MACROD2: variants seen among roughly 807,000 people sequenced by gnomAD.
MACROD2 encodes ADP-ribose glycohydrolase MACROD2.
Under a neutral mutation model 70.4 loss-of-function variants are expected in MACROD2, and 36 were observed. The ratio of observed to expected loss-of-function variants is 0.51; its 90% CI spans 0.39 to 0.68. MACROD2 has a LOEUF of 0.68. Among genes scored for constraint, MACROD2 ranks in the 30% least tolerant of loss-of-function variants. MACROD2 has a pLI of 0.00. For synonymous variants in MACROD2, 172 were observed against 178.8 expected (o/e 0.96, Z 0.30); for missense variants, 496 against 538.4 (o/e 0.92, Z 0.78).
intron 3 of MACROD2, among the ~76,000 whole-genome samples, chr20:14,403,811 C>T (rs1211279834): frequency 6.6e-6 from 1 of 152,008 alleles, no homozygotes; most frequent in Non-Finnish European, 1.5e-5. Flanking sequence ...AACCAGATCT[C>T]AAAAATTCCT....
intron 4 of MACROD2, among the ~76,000 whole-genome samples, chr20:14,649,962 T>G (rs1416490283): frequency 6.6e-6 from 1 of 152,182 alleles, no homozygotes; most frequent in African/African-American, 2.4e-5. Flanking sequence ...GTTTTTGCAG[T>G]AAGTCTGAAG....
chr20:15,430,821 G>A (rs1050742563), intron 6 of MACROD2, among the ~76,000 whole-genome samples: 83 of 151,754 alleles, frequency 5.5e-4, no homozygotes, highest in African/African-American at 1.6e-3. Context: ...ATAGTTTTTT[G>A]ATTTTCACAG....
At chr20:14,345,875 A>G (rs1170998359) in intron 3 of MACROD2, among the ~76,000 whole-genome samples, 2 of 152,102 alleles carry the variant, frequency 1.3e-5, no homozygotes, top group Non-Finnish European at 2.9e-5. Context: ...CGAGGTCAAG[A>G]GATCGAGACC....
chr20:14,332,500 T>G (rs2082863631), intron 3 of MACROD2, among the ~76,000 whole-genome samples: 1 of 152,154 alleles, frequency 6.6e-6, no homozygotes, highest in African/African-American at 2.4e-5. Context: ...ATAATAGTAG[T>G]GCTAACTTCT....
At chr20:15,544,841 G>C (rs150574606) in intron 8 of MACROD2, among the ~76,000 whole-genome samples, 2 of 152,162 alleles carry the variant, frequency 1.3e-5, no homozygotes, top group Non-Finnish European at 2.9e-5. Flanking sequence ...TTTACCCTCT[G>C]ACTTCTAGCC....
chr20:15,338,984 A>T lies in MACROD2; in HGVS notation c.541-92421A>T, dbSNP rs533929448. ...CATTTGGCAGCCACTGAAGCTTGTT[A>T]ATATCAACAACTGGCTTCATTGGCT... On this transcript the variant is annotated intron_variant, in intron 6 of 17. Transcript: ENST00000684519. 5.3e-5 allele frequency among the ~76,000 whole-genome samples: 8 copies of T among 152,002 alleles called. No individual in the cohort carries two copies. The East Asian group carries it at 1.5e-3, about 29-fold the overall frequency.
At chr20:15,105,415 T>C (rs1016167852) in intron 5 of MACROD2, among the ~76,000 whole-genome samples, 1 of 152,122 alleles carries the variant, frequency 6.6e-6, no homozygotes, top group African/African-American at 2.4e-5. Context: ...AGTGCTCTGA[T>C]TGGGTCAAAT....
intron 4 of MACROD2, among the ~76,000 whole-genome samples, chr20:14,560,093 C>T (rs1003503530): frequency 4.0e-5 from 6 of 151,704 alleles, no homozygotes; most frequent in Non-Finnish European, 7.4e-5. Flanking sequence ...TGCATTTTCA[C>T]CAGCCAAAGA....
At chr20:15,323,121 C>T (rs2077890296) in intron 6 of MACROD2, among the ~76,000 whole-genome samples, 1 of 103,716 alleles carries the variant, frequency 9.6e-6, no homozygotes, top group South Asian at 3.2e-4. Context: ...GCTTAATTTG[C>T]CTTTGCCAGT....
chr20:15,003,600 C>A (rs1315061722), intron 5 of MACROD2, among the ~76,000 whole-genome samples: 2 of 152,182 alleles, frequency 1.3e-5, no homozygotes, highest in Admixed American at 1.3e-4. Context: ...AGCTAACCCA[C>A]TCCCTATCTT....
chr20:14,285,888 A>G (rs1381435938), intron 3 of MACROD2, among the ~76,000 whole-genome samples: 1 of 152,118 alleles, frequency 6.6e-6, no homozygotes, highest in Non-Finnish European at 1.5e-5. Context: ...ATCTTTGTAC[A>G]AAGCTGACTG....
At chr20:15,141,007 C>T (rs1303693216) in intron 5 of MACROD2, among the ~76,000 whole-genome samples, 1 of 152,112 alleles carries the variant, frequency 6.6e-6, no homozygotes, top group African/African-American at 2.4e-5. Flanking sequence ...TGCATTCAGG[C>T]ACTAGCATAC....
At chr20:15,563,181 A>G (rs557030241) in intron 8 of MACROD2, among the ~76,000 whole-genome samples, 41 of 152,326 alleles carry the variant, frequency 2.7e-4, no homozygotes, top group African/African-American at 8.2e-4. Context: ...ACAAAGAACT[A>G]GAAAGATGTG....
chr20:15,606,479 C>CT (rs1489666920), intron 8 of MACROD2, among the ~76,000 whole-genome samples: 1 of 152,144 alleles, frequency 6.6e-6, no homozygotes, highest in Non-Finnish European at 1.5e-5. Flanking sequence ...CTTGTTACTT[C>CT]TTTAACCCTC....
intron 5 of MACROD2, among the ~76,000 whole-genome samples, chr20:14,790,107 G>A (rs1358341238): frequency 1.3e-5 from 2 of 151,714 alleles, no homozygotes; most frequent in African/African-American, 4.8e-5. Flanking sequence ...ATTTCAATTG[G>A]CAACTTTTTT....
chr20:15,188,178 C>A (rs551641871), intron 5 of MACROD2, among the ~76,000 whole-genome samples: 1 of 152,128 alleles, frequency 6.6e-6, no homozygotes, highest in Non-Finnish European at 1.5e-5. Context: ...CCTTTGTTGT[C>A]GAGGCTGTCT....
At chr20:14,531,390 G>A (rs909652987) in intron 4 of MACROD2, among the ~76,000 whole-genome samples, 4 of 152,254 alleles carry the variant, frequency 2.6e-5, no homozygotes, top group African/African-American at 7.2e-5. Flanking sequence ...TTGTGAAGAT[G>A]GTCACAGAGA....
intron 12 of MACROD2, among the ~76,000 whole-genome samples, chr20:15,960,482 AG>A (rs1486175766): frequency 2.6e-5 from 4 of 152,194 alleles, no homozygotes; most frequent in Admixed American, 2.6e-4. Flanking sequence ...GATCCACAAA[AG>A]CAAATCGGGG....
chr20:15,602,889 T>C (rs1281458934), intron 8 of MACROD2, among the ~76,000 whole-genome samples: 2 of 152,106 alleles, frequency 1.3e-5, no homozygotes, highest in African/African-American at 4.8e-5. Context: ...TTGGGAGTTC[T>C]TATAGTTTTT....
Sources: gnomAD v4.1 joint callset for allele counts (sites outside exome capture counted in the v4.1 genomes callset) on GRCh38, gnomAD v4.1.1 for gene constraint, MANE v1.5 for transcripts, NCBI Gene and HGNC (gene_info 2026-07-23, HGNC 2026-07-21) for gene names.